Variants in LPP observed in about 807,000 individuals in gnomAD.
LPP encodes lipoma-preferred partner.
In LPP, 38 loss-of-function variants were observed where a neutral mutation model predicts 60.4. The ratio of observed to expected loss-of-function variants is 0.63; its 90% CI spans 0.49 to 0.83. The LOEUF (loss-of-function observed/expected upper bound fraction) is 0.83. Ranked by LOEUF, LPP falls within the 40% of genes least tolerant of loss-of-function variation. LPP has a pLI of 0.00. For missense variants in LPP, 902 were observed against 783.6 expected, an observed-to-expected ratio of 1.15 and a Z score of -1.80; for synonymous variants, 328 against 290.8, an observed-to-expected ratio of 1.13 and a Z score of -1.30.
At chr3:188,247,875 C>T (rs915989587) in intron 2 of LPP, among the ~76,000 whole-genome samples, 1 of 151,612 alleles carries the variant, frequency 6.6e-6, no homozygotes, top group African/African-American at 2.4e-5. Context: ...GACGATTTTC[C>T]TAAGACTTAG....
chr3:188,648,651 T>C (rs904039361), intron 7 of LPP, among the ~76,000 whole-genome samples: 2 of 152,222 alleles, frequency 1.3e-5, no homozygotes, highest in African/African-American at 2.4e-5. Context: ...ACTTTGAGTA[T>C]GGTACCCTTA....
intron 7 of LPP, among the ~76,000 whole-genome samples, chr3:188,679,554 TGTGTGTGTGC>T (rs774370611): frequency 3.2e-4 from 42 of 129,648 alleles, no homozygotes; most frequent in Middle Eastern, 3.9e-3. Context: ...TGTGTGTGTG[TGTGTGTGTGC>T]GCGCGCGCAT....
In LPP at chr3:188,874,517, A is replaced by T. The variant is rs369082598; in HGVS notation, c.*38A>T. On this transcript the variant is annotated 3_prime_UTR_variant, in exon 12 of 12. Transcript: ENST00000617246. ...GTTCAGCCGGCACTGAGAAGAACGA[A>T]CACAAGAAAAAGATAAGAAATACTA... is the stretch of plus-strand genomic sequence containing the variant. The T allele has an allele frequency of 1.2e-6, 2 of 1,600,286 alleles. No individual in the cohort carries two copies. Among genetic ancestry groups the T allele is most frequent in the African/African-American group, 2.7e-5 (2 of 74,784 alleles).
intron 7 of LPP, among the ~76,000 whole-genome samples, chr3:188,650,435 A>G (rs1411950529): frequency 1.3e-5 from 2 of 152,148 alleles, no homozygotes; most frequent in Admixed American, 6.5e-5. Context: ...ACATCTTCTG[A>G]TATCATGAGA....
chr3:188,377,138 A>G (rs1446264023), intron 3 of LPP, among the ~76,000 whole-genome samples: 1 of 151,842 alleles, frequency 6.6e-6, no homozygotes, highest in East Asian at 1.9e-4. Flanking sequence ...TGCCCTTAAC[A>G]TTTTTTCCTT....
At chr3:188,740,003 A>G (rs746540642) in intron 8 of LPP, among the ~76,000 whole-genome samples, 31 of 152,030 alleles carry the variant, frequency 2.0e-4, no homozygotes, top group Non-Finnish European at 4.1e-4. Flanking sequence ...CTAAGGTGTT[A>G]TTTATAATGT....
intron 5 of LPP, among the ~76,000 whole-genome samples, chr3:188,521,635 T>G (rs1818902342): frequency 6.6e-6 from 1 of 152,228 alleles, no homozygotes; most frequent in Non-Finnish European, 1.5e-5. Flanking sequence ...GTTGCTATAA[T>G]TAATGCTATT....
At chr3:188,785,509 CAT>C (rs201137577) in intron 9 of LPP, among the ~76,000 whole-genome samples, 8,275 of 27,674 alleles carry the variant, frequency 0.3, 2,658 homozygotes, top group African/African-American at 0.56. Flanking sequence ...TATATTCCAT[CAT>C]ATATATATAT....
At chr3:188,512,147 T>C (rs113131419) in intron 5 of LPP, among the ~76,000 whole-genome samples, 1,827 of 152,324 alleles carry the variant, frequency 0.012, 39 homozygotes, top group African/African-American at 0.041. Context: ...TGAGCCTTAT[T>C]TCCATTTTCT....
intron 4 of LPP, among the ~76,000 whole-genome samples, chr3:188,438,363 A>T (rs796779556): frequency 0.021 from 2,854 of 138,686 alleles, 120 homozygotes; most frequent in East Asian, 0.12. Flanking sequence ...TTACACACAC[A>T]CACACACACA....
intron 7 of LPP, among the ~76,000 whole-genome samples, chr3:188,697,860 G>A (rs115389480): frequency 0.041 from 6,064 of 146,864 alleles, 178 homozygotes; most frequent in South Asian, 0.11. Flanking sequence ...GTAATTATCA[G>A]ATGTACTATT....
At chr3:188,679,639 A>T (rs1859027887) in intron 7 of LPP, among the ~76,000 whole-genome samples, 1 of 152,106 alleles carries the variant, frequency 6.6e-6, no homozygotes, top group Non-Finnish European at 1.5e-5. Flanking sequence ...GTGCTCAGGA[A>T]TACATTACAT....
chr3:188,179,162 C>A, intron 1 of LPP: 1 of 427,852 alleles, frequency 2.3e-6, no homozygotes. Context: ...CCCCGGCCCC[C>A]ATTCCCTATT....
At chr3:188,264,190 ACATGCTAC>A (rs1210351554) in intron 2 of LPP, among the ~76,000 whole-genome samples, 1 of 152,116 alleles carries the variant, frequency 6.6e-6, no homozygotes, top group Non-Finnish European at 1.5e-5. Flanking sequence ...GAGTAAGTGC[ACATGCTAC>A]CTTTTATAGA....
chr3:188,823,156 C>G (rs1754459591), intron 9 of LPP, among the ~76,000 whole-genome samples: 1 of 152,072 alleles, frequency 6.6e-6, no homozygotes, highest in African/African-American at 2.4e-5. Flanking sequence ...AATTTCTTAG[C>G]CTTTCTAGAA....
intron 6 of LPP, among the ~76,000 whole-genome samples, chr3:188,576,642 G>A (rs1834685263): frequency 6.6e-6 from 1 of 152,126 alleles, no homozygotes; most frequent in Admixed American, 6.5e-5. Context: ...TCAAGGATTA[G>A]CAACACTGAA....
In LPP at chr3:188,680,154, T is replaced by C. The variant is rs115070601; in HGVS notation, c.1114-28113T>C. On this transcript the variant is annotated intron_variant, in intron 7 of 11. Coordinates refer to ENST00000617246, the MANE Select transcript of LPP (RefSeq NM_001375462.1). ...CTACTCCCCCTTCTTTTCTTCTCCG[T>C]TCTCTTTCTTCATCTTTTTCTTTCC... Among the ~76,000 whole-genome samples the C allele has an allele frequency of 8.7e-3, 1,322 of 152,294 alleles. 24 individuals carry two copies. The highest frequency in any genetic ancestry group is 0.028 in the African/African-American group (1,171 of 41,572).
intron 4 of LPP, among the ~76,000 whole-genome samples, chr3:188,449,545 T>C (rs1219865120): frequency 6.6e-6 from 1 of 152,136 alleles, no homozygotes; most frequent in Non-Finnish European, 1.5e-5. Flanking sequence ...GGGACTGTTA[T>C]CTAGTGTGTT....
chr3:188,398,141 A>G (rs1179261425), intron 3 of LPP, among the ~76,000 whole-genome samples: 2 of 152,158 alleles, frequency 1.3e-5, no homozygotes, highest in Non-Finnish European at 2.9e-5. Context: ...ACCTTCCCTC[A>G]TCTACACTCC....
Sources: gnomAD v4.1 joint callset for allele counts (sites outside exome capture counted in the v4.1 genomes callset) on GRCh38, gnomAD v4.1.1 for gene constraint, MANE v1.5 for transcripts, NCBI Gene and HGNC (gene_info 2026-07-23, HGNC 2026-07-21) for gene names.